ZHX3: variants seen among roughly 807,000 people sequenced by gnomAD.
The protein encoded by ZHX3 is zinc fingers and homeoboxes 3.
Under a neutral mutation model 64.5 loss-of-function variants are expected in ZHX3, and 20 were observed. The observed-to-expected ratio is 0.31, with a 90% CI of 0.22 to 0.45. ZHX3 has a LOEUF of 0.45. Among genes scored for constraint, ZHX3 ranks in the 20% least tolerant of loss-of-function variants. ZHX3 has a pLI of 1.00. For missense variants in ZHX3, 1,041 were observed against 1,195.8 expected, an observed-to-expected ratio of 0.87 and a Z score of 1.91; for synonymous variants, 423 against 461.6, an observed-to-expected ratio of 0.92 and a Z score of 1.07.
chr20:41,307,430 T>C (rs980700516), intron 1 of ZHX3, among the ~76,000 whole-genome samples: 1 of 152,220 alleles, frequency 6.6e-6, no homozygotes, highest in African/African-American at 2.4e-5. Flanking sequence ...AACATATACA[T>C]CCCATTATCA....
intron 2 of ZHX3, among the ~76,000 whole-genome samples, chr20:41,259,705 C>A (rs6102326): frequency 6.6e-6 from 1 of 151,892 alleles, no homozygotes; most frequent in South Asian, 2.1e-4. Flanking sequence ...GGCATGAAAC[C>A]TATATATATG....
At chr20:41,275,983 G>A (rs959763213) in intron 1 of ZHX3, among the ~76,000 whole-genome samples, 1 of 152,162 alleles carries the variant, frequency 6.6e-6, no homozygotes, top group African/African-American at 2.4e-5. Flanking sequence ...GGCAGTGTCC[G>A]AAGAAACAGG....
Position 41,185,327 on chromosome 20 carries a change from G to T in ZHX3, c.2861-126C>A. ...AGGACCTCTTAATTCCATGAGCAAT[G>T]AATGGCCTTCTGCCACCCACTCCCC... On this transcript the variant is annotated intron_variant, in intron 3 of 3. Coordinates refer to ENST00000683867, the MANE Select transcript of ZHX3 (RefSeq NM_001384317.1). This position sits in a 1 kb window ranked among gnomAD's most constrained non-coding sequence, Gnocchi z 5.0. 1 of 1,173,554 alleles carries T rather than the reference G, an allele frequency of 8.5e-7. No individual in the cohort carries two copies. Among genetic ancestry groups the T allele is most frequent in the South Asian group, 1.6e-5 (1 of 63,600 alleles). The allele number at this position is 1,173,554 out of a possible 1,614,324, so 72.7% of individuals were successfully genotyped here.
chr20:41,218,873 A>G (rs2039733262), intron 2 of ZHX3, among the ~76,000 whole-genome samples: 1 of 151,418 alleles, frequency 6.6e-6, no homozygotes, highest in Admixed American at 6.6e-5. Flanking sequence ...CCATCAGCCA[A>G]GGGCTCAAGG....
intron 2 of ZHX3, among the ~76,000 whole-genome samples, chr20:41,263,069 C>G (rs2042640106): frequency 6.6e-6 from 1 of 151,914 alleles, no homozygotes; most frequent in Non-Finnish European, 1.5e-5. Context: ...GGAGAAGAAA[C>G]AACAAATACA....
Position 41,202,472 on chromosome 20 carries a change from G to A in ZHX3, c.2445C>T (p.Ser815=). The part of the protein sequence containing the change: ...RPEVVRWFGD[S]RYALKNGQLK... ...GTTGGCCGTTCTTCAGTGCGTACCT[G>A]CTATCTCCAAACCAGCGCACCACCT... Residue 815 remains serine (S), a synonymous_variant, in exon 3 of 4, where the codon AGC becomes AGT. Transcript: ENST00000683867. The surrounding 1 kb of genome is among the most constrained non-coding windows in gnomAD (Gnocchi z 7.0). 8.1e-6 allele frequency: 13 copies of A among 1,614,186 alleles called. No individual in the cohort carries two copies. Among genetic ancestry groups the A allele is most frequent in the Non-Finnish European group, 1.1e-5 (13 of 1,180,036 alleles).
chr20:41,292,611 C>T (rs914265475), intron 1 of ZHX3, among the ~76,000 whole-genome samples: 1 of 152,158 alleles, frequency 6.6e-6, no homozygotes, highest in African/African-American at 2.4e-5. Flanking sequence ...AAAAGCTGCC[C>T]TTTGCATGAG....
chr20:41,196,402 T>TTATAAA (rs58392086), intron 3 of ZHX3, among the ~76,000 whole-genome samples: 16,652 of 54,136 alleles, frequency 0.31, 3,969 homozygotes, highest in African/African-American at 0.64. Context: ...TTTATATATA[T>TTATAAA]TATATATTAT....
At chr20:41,300,811 C>T (rs1025499547) in intron 1 of ZHX3, among the ~76,000 whole-genome samples, 1 of 152,126 alleles carries the variant, frequency 6.6e-6, no homozygotes, top group Non-Finnish European at 1.5e-5. Context: ...CATTTCAGGG[C>T]TGGCCTAAGG....
At chr20:41,271,377 A>T (rs939709777) in intron 1 of ZHX3, among the ~76,000 whole-genome samples, 1 of 152,202 alleles carries the variant, frequency 6.6e-6, no homozygotes, top group Non-Finnish European at 1.5e-5. Flanking sequence ...TGCTTGCCAG[A>T]TCCCTTCTAA....
intron 2 of ZHX3, among the ~76,000 whole-genome samples, chr20:41,242,952 C>T (rs1366406528): frequency 6.6e-6 from 1 of 152,094 alleles, no homozygotes; most frequent in Non-Finnish European, 1.5e-5. Flanking sequence ...AATGTAATAC[C>T]ACTTCCTCTG....
intron 2 of ZHX3, among the ~76,000 whole-genome samples, chr20:41,265,225 G>A (rs912703987): frequency 1.1e-4 from 16 of 145,366 alleles, no homozygotes; most frequent in Admixed American, 8.9e-4. Context: ...TTTTTGAAAC[G>A]GAGTTTCGCT....
In ZHX3 at chr20:41,225,573, C is replaced by T. The variant is rs549683225; in HGVS notation, c.-150-20507G>A. Reference sequence around the variant, plus strand: ...CGTGATCTTGACTCACTGCAATCTCCGCCTCCCAGGTTCAAGCGATTCTCC... The same window carrying T: ...CGTGATCTTGACTCACTGCAATCTCTGCCTCCCAGGTTCAAGCGATTCTCC... On this transcript the variant is annotated intron_variant, in intron 2 of 3. Coordinates refer to ENST00000683867, the MANE Select transcript of ZHX3 (RefSeq NM_001384317.1). Among the ~76,000 whole-genome samples, 108 of 152,240 alleles carry T rather than the reference C, an allele frequency of 7.1e-4. 1 individual carries two copies. Among genetic ancestry groups the T allele is most frequent in the African/African-American group, 2.3e-3 (96 of 41,538 alleles).
intron 2 of ZHX3, among the ~76,000 whole-genome samples, chr20:41,267,013 T>G (rs2042895320): frequency 6.6e-6 from 1 of 151,798 alleles, no homozygotes; most frequent in African/African-American, 2.4e-5. Context: ...CCTGATAATT[T>G]TTTTTGGATT....
rs2036229513 is a variant in ZHX3, at chr20:41,180,959, C to T, written c.*4232G>A. On this transcript the variant is annotated 3_prime_UTR_variant, in exon 4 of 4. Transcript: ENST00000683867. ...GCCTTGCTTGGGGAAGGGACTTGAG[C>T]ACAGGAGAAAGGCTTGAGCTCCACA... The T allele has an allele frequency of 1.3e-5, 2 of 152,374 alleles. No individual in the cohort carries two copies. The highest frequency in any genetic ancestry group is 1.9e-4 in the East Asian group (1 of 5,192). The allele number at this position is 152,374 out of a possible 1,614,324, so 9.4% of individuals were successfully genotyped here.
chr20:41,316,258 T>G (rs2045284983), intron 1 of ZHX3, among the ~76,000 whole-genome samples: 1 of 152,186 alleles, frequency 6.6e-6, no homozygotes, highest in South Asian at 2.1e-4. Context: ...CCCTTTTCAT[T>G]CATTTTCTAT....
At chr20:41,304,650 T>A (rs544795344) in intron 1 of ZHX3, among the ~76,000 whole-genome samples, 1 of 152,316 alleles carries the variant, frequency 6.6e-6, no homozygotes, top group South Asian at 2.1e-4. Flanking sequence ...AAGAACTGGC[T>A]CACGCAATTG....
chr20:41,264,280 G>C (rs1033137157), intron 2 of ZHX3, among the ~76,000 whole-genome samples: 1 of 150,610 alleles, frequency 6.6e-6, no homozygotes, highest in Non-Finnish European at 1.5e-5. Flanking sequence ...GGCATTTTGG[G>C]GCAGAAATCC....
chr20:41,308,766 A>G (rs917835276), intron 1 of ZHX3, among the ~76,000 whole-genome samples: 5 of 152,232 alleles, frequency 3.3e-5, no homozygotes, highest in African/African-American at 1.2e-4. Flanking sequence ...CAGTATCATA[A>G]TATTAAATAT....
Sources: allele counts gnomAD v4.1 joint callset (sites outside exome capture counted in the v4.1 genomes callset), GRCh38; gene constraint gnomAD v4.1.1; non-coding constraint Gnocchi (gnomAD v3.1); transcripts MANE v1.5; gene names NCBI Gene and HGNC (gene_info 2026-07-23, HGNC 2026-07-21).